The following PDE4D variants were observed in gnomAD, a reference collection of about 807,000 sequenced individuals.
PDE4D encodes the protein phosphodiesterase 4D, also known as 3',5'-cyclic-AMP phosphodiesterase 4D.
A neutral mutation model predicts 87.4 loss-of-function variants in PDE4D; 24 were observed. That is an observed-to-expected ratio of 0.27 (90% CI 0.20 to 0.39). PDE4D has a LOEUF of 0.39. Ranked by LOEUF, PDE4D falls within the 10% of genes least tolerant of loss-of-function variation. The probability of loss-of-function intolerance (pLI) is 1.00; values close to 1 mark genes in which losing one functional copy is unlikely to be tolerated. For synonymous variants in PDE4D, 384 were observed against 383.2 expected (o/e 1.00, Z -0.02); for missense variants, 714 against 1,041.0 (o/e 0.69, Z 4.32).
intron 1 of PDE4D, among the ~76,000 whole-genome samples, chr5:60,213,280 A>ATT (rs1165010077): frequency 6.6e-6 from 1 of 152,116 alleles, no homozygotes; most frequent in African/African-American, 2.4e-5. Context: ...TGCTTTGGTT[A>ATT]TTGTTGCTGG....
At chr5:59,729,063 C>A (rs1334419361) in intron 1 of PDE4D, among the ~76,000 whole-genome samples, 4 of 151,976 alleles carry the variant, frequency 2.6e-5, no homozygotes, top group Non-Finnish European at 5.9e-5. Context: ...TGGTTTATAA[C>A]CTTACATTTA....
intron 1 of PDE4D, among the ~76,000 whole-genome samples, chr5:59,335,627 A>T (rs1338974241): frequency 6.6e-6 from 1 of 152,212 alleles, no homozygotes; most frequent in African/African-American, 2.4e-5. Flanking sequence ...AAGATTCTGC[A>T]GTACCTTCAT....
chr5:59,519,081 T>C (rs555716534), intron 1 of PDE4D, among the ~76,000 whole-genome samples: 4 of 151,886 alleles, frequency 2.6e-5, no homozygotes, highest in African/African-American at 9.7e-5. Context: ...TTTCTTCCCT[T>C]CCTTTCTTCT....
chr5:59,179,046 C>G (rs2153477168), intron 5 of PDE4D, among the ~76,000 whole-genome samples: 1 of 152,250 alleles, frequency 6.6e-6, no homozygotes, highest in Middle Eastern at 3.4e-3. Context: ...TGAATTTTGG[C>G]AGAAGAAATC....
intron 2 of PDE4D, among the ~76,000 whole-genome samples, chr5:60,175,211 T>TA (rs1783807050): frequency 6.6e-6 from 1 of 152,148 alleles, no homozygotes; most frequent in Admixed American, 6.6e-5. Flanking sequence ...TCACGTCTAC[T>TA]AACAAGCCCA....
At chr5:59,323,244 T>C (rs1025350232) in intron 1 of PDE4D, among the ~76,000 whole-genome samples, 1 of 152,100 alleles carries the variant, frequency 6.6e-6, no homozygotes, top group African/African-American at 2.4e-5. Flanking sequence ...CATCAGATTC[T>C]CCCACTAATT....
In PDE4D at chr5:59,590,234, T is replaced by C. The variant is rs748250975; in HGVS notation, c.455+302934A>G. Reference sequence around the variant, plus strand: ...CTTTACAAATTTAATACTTCCTACATGTATGGCCTTCAAGAAACAACAGTT... The same window carrying C: ...CTTTACAAATTTAATACTTCCTACACGTATGGCCTTCAAGAAACAACAGTT... On this transcript the variant is annotated intron_variant, in intron 1 of 14. Coordinates refer to ENST00000340635, the MANE Select transcript of PDE4D (RefSeq NM_001104631.2). 2.4e-4 allele frequency among the ~76,000 whole-genome samples: 37 copies of C among 152,214 alleles called. 1 individual carries two copies. Among genetic ancestry groups the C allele is most frequent in the Non-Finnish European group, 5.1e-4 (35 of 68,026 alleles).
At chr5:60,314,586 T>G (rs913598751) in intron 1 of PDE4D, among the ~76,000 whole-genome samples, 1 of 152,160 alleles carries the variant, frequency 6.6e-6, no homozygotes, top group Non-Finnish European at 1.5e-5. Flanking sequence ...GCTGCATCCA[T>G]TAACTCATCA....
chr5:60,079,161 T>C (rs182967537), intron 2 of PDE4D, among the ~76,000 whole-genome samples: 1 of 152,356 alleles, frequency 6.6e-6, no homozygotes, highest in Non-Finnish European at 1.5e-5. Flanking sequence ...TTTTCATATG[T>C]TTGCTGGCCA....
At chr5:59,475,183 C>CTTTAGAATAAAGAAT (rs56851061) in intron 1 of PDE4D, among the ~76,000 whole-genome samples, 61,424 of 151,194 alleles carry the variant, frequency 0.41, 15,438 homozygotes, top group African/African-American at 0.72. Flanking sequence ...GAATTTTAGA[C>CTTTAGAATAAAGAAT]TTTAGAATAA....
chr5:59,987,767 T>C (rs1762591494), intron 3 of PDE4D: 1 of 152,242 alleles, frequency 6.6e-6, no homozygotes, highest in African/African-American at 2.4e-5. Flanking sequence ...AAATAATTGA[T>C]GTGCCCAATA....
At chr5:60,369,840 T>C (rs528419534) in intron 1 of PDE4D, among the ~76,000 whole-genome samples, 2 of 152,024 alleles carry the variant, frequency 1.3e-5, no homozygotes, top group East Asian at 3.9e-4. Flanking sequence ...CAAAAAAAAA[T>C]CAGACCAGAC....
At position 59,660,728 on chromosome 5, in the gene PDE4D, A is replaced by C. The variant is rs1323943637; in HGVS notation, c.455+232440T>G. Among the ~76,000 whole-genome samples the C allele has an allele frequency of 2.6e-5, 4 of 152,264 alleles. No homozygotes were observed. The East Asian group carries it at 7.7e-4, about 29-fold the overall frequency. On this transcript the variant is annotated intron_variant, in intron 1 of 14. Transcript: ENST00000340635. ...CAATTTTGACCTGTGGATTTTATTT[A>C]ATGAGGGACAATCAACAAGGCTAAG...
At chr5:59,719,705 T>C (rs531727063) in intron 1 of PDE4D, among the ~76,000 whole-genome samples, 2 of 152,314 alleles carry the variant, frequency 1.3e-5, no homozygotes, top group South Asian at 4.1e-4. Flanking sequence ...ATCCCATGAA[T>C]ACAAGCTAAG....
At chr5:59,392,988 G>A (rs762879498) in intron 1 of PDE4D, among the ~76,000 whole-genome samples, 1 of 152,160 alleles carries the variant, frequency 6.6e-6, no homozygotes, top group African/African-American at 2.4e-5. Flanking sequence ...AGGGGAAGTA[G>A]AGTTTGAAGA....
chr5:60,360,065 C>T (rs917266311), intron 1 of PDE4D, among the ~76,000 whole-genome samples: 3 of 152,236 alleles, frequency 2.0e-5, no homozygotes, highest in Middle Eastern at 3.4e-3. Flanking sequence ...CAACAAGAAC[C>T]TTGTTGTTGA....
intron 1 of PDE4D, among the ~76,000 whole-genome samples, chr5:60,254,323 C>A (rs1197204675): frequency 1.3e-5 from 2 of 151,886 alleles, no homozygotes; most frequent in Non-Finnish European, 2.9e-5. Flanking sequence ...ATGCCAGCAA[C>A]CCTGGCCCCT....
At chr5:59,694,895 T>A (rs1214716555) in intron 1 of PDE4D, among the ~76,000 whole-genome samples, 1 of 152,200 alleles carries the variant, frequency 6.6e-6, no homozygotes, top group African/African-American at 2.4e-5. Context: ...TTACTATTAA[T>A]AACTTTTGCT....
intron 1 of PDE4D, among the ~76,000 whole-genome samples, chr5:60,466,838 T>C (rs901515346): frequency 6.6e-6 from 1 of 152,096 alleles, no homozygotes; most frequent in African/African-American, 2.4e-5. Flanking sequence ...TTGCCCTTAC[T>C]TTTCTTTGTT....
Sources: gnomAD v4.1 joint callset for allele counts (sites outside exome capture counted in the v4.1 genomes callset) on GRCh38, gnomAD v4.1.1 for gene constraint, MANE v1.5 for transcripts, NCBI Gene and HGNC (gene_info 2026-07-23, HGNC 2026-07-21) for gene names.